Variants in ECEL1 observed in about 807,000 individuals in gnomAD.
ECEL1 encodes the protein endothelin converting enzyme like 1, also known as endothelin-converting enzyme-like 1.
ECEL1 carries 87 observed loss-of-function variants against 101.8 expected under a neutral mutation model. The observed-to-expected ratio is 0.85, with a 90% CI of 0.72 to 1.02. The LOEUF (loss-of-function observed/expected upper bound fraction) is 1.02, where lower values mean the gene tolerates loss of function less well. Ranked by LOEUF, ECEL1 falls within the 50% of genes least tolerant of loss-of-function variation. The pLI is 0.00. For missense variants in ECEL1, 1,032 were observed against 1,079.2 expected, an observed-to-expected ratio of 0.96 and a Z score of 0.61; for synonymous variants, 487 against 468.7, an observed-to-expected ratio of 1.04 and a Z score of -0.50.
In ECEL1 at chr2:232,482,322, C is replaced by T. The variant is rs867864057; in HGVS notation, c.1796+96G>A. The T allele has an allele frequency of 4.5e-5, 69 of 1,550,114 alleles. 1 individual carries two copies. The highest frequency in any genetic ancestry group is 3.4e-4 in the East Asian group (15 of 44,628). ...CTCCTGAACCCAGCTGGGTCTGGGG[C>T]GATTGGAGCCACAGTACGCCGACAC... is the stretch of plus-strand genomic sequence containing the variant. On this transcript the variant is annotated intron_variant, in intron 12 of 17. Coordinates refer to ENST00000304546, the MANE Select transcript of ECEL1 (RefSeq NM_004826.4).
rs567164957 is a variant in ECEL1 at position 232,481,369 on chromosome 2, G to A, written c.1989+137C>T. 27 of 1,443,466 alleles carry A rather than the reference G, an allele frequency of 1.9e-5. No homozygotes were observed. The Admixed American group carries it at 2.5e-4, about 13-fold the overall frequency. The allele number at this position is 1,443,466 out of a possible 1,614,324, so 89.4% of individuals were successfully genotyped here. ...TCATTATCTGTCCACGTGAGTGTGC[G>A]TGGGAACCGAATGTGTGTGCAGGGA... On this transcript the variant is annotated intron_variant, in intron 14 of 17. Coordinates refer to ENST00000304546, the MANE Select transcript of ECEL1 (RefSeq NM_004826.4).
rs777715446 is a variant in ECEL1, at chr2:232,480,832, T to C, written c.2056-19A>G. On this transcript the variant is annotated intron_variant, in intron 15 of 17. Coordinates refer to ENST00000304546, the MANE Select transcript of ECEL1 (RefSeq NM_004826.4). ...GATAGGCCTGGGGACACAGAGAGCA[T>C]GGACCTGCTATGCCCGCCCACCCTG... 1.5e-5 allele frequency: 24 copies of C among 1,607,224 alleles called. No homozygotes were observed. In the South Asian group the frequency reaches 2.7e-4, roughly 18 times the overall value.
rs1206819376 is a variant in ECEL1, at chr2:232,483,429, G to A, written c.1493C>T (p.Ala498Val). Residue 498 changes from alanine to valine, a missense_variant, in exon 8 of 18, where the codon GCT becomes GTT. Ala to Val is a moderately conservative substitution (Grantham distance 64). Coordinates refer to ENST00000304546, the MANE Select transcript of ECEL1 (RefSeq NM_004826.4). ...GTCCCCCCTCACCTTGGCCCGAGCA[G>A]CAGCCCTGGTCTCGGCGTCCATCCA... Reference protein sequence around the residue: ...LDWMDAETRAAARAKLQYMMV... With the variant: ...LDWMDAETRAVARAKLQYMMV... The A allele has an allele frequency of 6.2e-7, 1 of 1,609,240 alleles. No homozygotes were observed. Among genetic ancestry groups the A allele is most frequent in the Non-Finnish European group, 8.5e-7 (1 of 1,178,354 alleles).
intron 13 of ECEL1, 38 bp downstream of exon 13, chr2:232,481,744 C>T (rs1277205114): frequency 6.2e-7 from 1 of 1,613,042 alleles, no homozygotes; most frequent in East Asian, 2.2e-5. Flanking sequence ...CTGTCCTGCC[C>T]CCTCCGGGCC....
At chr2:232,484,692 T>C in intron 5 of ECEL1, 96 bp from the exon 6 acceptor site, 2 of 1,600,248 alleles carry the variant, frequency 1.2e-6, no homozygotes, top group Non-Finnish European at 1.7e-6. Flanking sequence ...GACATGAGAG[T>C]CCATGGCCAA....
At chr2:232,480,310 A>G (rs906039426) in intron 17 of ECEL1, 58 bp from the exon 18 acceptor site, 2 of 1,611,462 alleles carry the variant, frequency 1.2e-6, no homozygotes, top group Non-Finnish European at 8.5e-7. Context: ...AGCCCCAGCA[A>G]CCAGGGGTGA....
intron 3 of ECEL1, 21 bp downstream of exon 3, chr2:232,485,178 C>T: frequency 8.1e-6 from 13 of 1,613,382 alleles, no homozygotes; most frequent in Non-Finnish European, 1.1e-5. Flanking sequence ...TTCCCTGCCT[C>T]CCCATCCCAT....
chr2:232,481,358 C>A (rs530652768), intron 14 of ECEL1, 148 bp downstream of exon 14: 224 of 1,411,074 alleles, frequency 1.6e-4, no homozygotes, highest in Non-Finnish European at 2.1e-4. Context: ...TATCTGTCCA[C>A]GTGAGTGTGC....
At chr2:232,480,540 C>T in intron 16 of ECEL1, 65 bp from the exon 17 acceptor site, 4 of 1,593,732 alleles carry the variant, frequency 2.5e-6, no homozygotes, top group Admixed American at 1.7e-5. Flanking sequence ...CCCCCTTGCC[C>T]CCCACCCAGC....
intron 12 of ECEL1, 23 bp from the exon 13 acceptor site, chr2:232,481,872 A>C: frequency 6.2e-7 from 1 of 1,613,570 alleles, no homozygotes; most frequent in Non-Finnish European, 8.5e-7. Context: ...CAGCAGCATC[A>C]GGCCCTAGCC....
chr2:232,481,301 T>C, intron 14 of ECEL1, 145 bp from the exon 15 acceptor site: 1 of 1,337,954 alleles, frequency 7.5e-7, no homozygotes, highest in Non-Finnish European at 1.0e-6. Flanking sequence ...CCAACCCTAC[T>C]CTTTCCTCCC....
rs952592915 is a variant in ECEL1 at position 232,479,964 on chromosome 2, C to T, written c.*189G>A. ...CCCAGTATATTTCCCTCACAGCCCC[C>T]CAAAGTCCAGCCTCACCCTGCTCCA... On this transcript the variant is annotated 3_prime_UTR_variant, in exon 18 of 18. Coordinates refer to ENST00000304546, the MANE Select transcript of ECEL1 (RefSeq NM_004826.4). 5 of 615,910 alleles carry T rather than the reference C, an allele frequency of 8.1e-6. No homozygotes were observed. The African/African-American group carries it at 9.3e-5, about 11-fold the overall frequency. The allele number at this position is 615,910 out of a possible 1,614,324, so 38.2% of individuals were successfully genotyped here. A position where few individuals can be genotyped will look rare whatever the true frequency, so the allele number is the denominator to read the frequency against.
At chr2:232,481,404 A>G (rs1690574492) in intron 14 of ECEL1, 102 bp downstream of exon 14, 1 of 1,511,258 alleles carries the variant, frequency 6.6e-7, no homozygotes, top group Non-Finnish European at 8.9e-7. Context: ...ACCTGGGCAC[A>G]GGTTTTGTTT....
chr2:232,484,422 G>A, intron 6 of ECEL1, 50 bp downstream of exon 6: 1 of 1,606,878 alleles, frequency 6.2e-7, no homozygotes, highest in Non-Finnish European at 8.5e-7. Context: ...AGGGTGCAGG[G>A]GAAGGACCTA....
rs1374504168 is a variant in ECEL1, at chr2:232,485,875, A to G, written c.779T>C (p.Val260Ala). 6.4e-7 allele frequency: 1 copy of G among 1,554,494 alleles called. No individual in the cohort carries two copies. The highest frequency in any genetic ancestry group is 8.7e-7 in the Non-Finnish European group (1 of 1,153,518). Residue 260 changes from valine to alanine, a missense_variant, in exon 2 of 18, where the codon GTC (valine) becomes GCC (alanine). Transcript: ENST00000304546. The stretch of plus-strand genomic sequence containing the variant: ...CTCAGGGGGCGCACTCACGCGGATG[A>G]CGTAGCGCGAGGAGTTCCTGTCGTC... The part of the protein sequence containing the change: ...SLDDRNSSRY[V>A]IRIDQDGLTL...
At chr2:232,482,497 A>C (rs372966622) in intron 11 of ECEL1, 28 bp from the exon 12 acceptor site, 2 of 1,613,772 alleles carry the variant, frequency 1.2e-6, no homozygotes. Flanking sequence ...TCAGTGGGAA[A>C]CCCATCCACT....
chr2:232,481,089 A>T lies in ECEL1; in HGVS notation c.2055+2T>A. The stretch of plus-strand genomic sequence containing the variant: ...GGGGTGGAGCACAGGCAGGCCGCTC[A>T]CGTGGTAGGCCAGCTTGAGGCCGCC... On this transcript the variant is annotated splice_donor_variant, in intron 15 of 17. Coordinates refer to ENST00000304546, the MANE Select transcript of ECEL1 (RefSeq NM_004826.4). LOFTEE classifies it high-confidence loss of function. 3 of 1,558,292 alleles carry T rather than the reference A, an allele frequency of 1.9e-6. No individual in the cohort carries two copies. The highest frequency in any genetic ancestry group is 1.7e-6 in the Non-Finnish European group (2 of 1,151,174).
In ECEL1 at chr2:232,480,117, C is replaced by CG. The variant is rs1559271555; in HGVS notation, c.*35dup. The CG allele has an allele frequency of 5.0e-6, 8 of 1,601,830 alleles. No homozygotes were observed. The highest frequency in any genetic ancestry group is 6.8e-6 in the Non-Finnish European group (8 of 1,170,546). ...GGTAGCCAGCAGGAGGTGATTCGTGCGGGGGCAGTGGGGGCGTGCAGGCGG... is the reference window on the plus strand; with the variant it reads ...GGTAGCCAGCAGGAGGTGATTCGTGCGGGGGGCAGTGGGGGCGTGCAGGCGG... On this transcript the variant is annotated 3_prime_UTR_variant, in exon 18 of 18. Transcript: ENST00000304546.
In ECEL1 at chr2:232,484,229, G is replaced by T; in HGVS notation, c.1185-6C>A. 6.2e-7 allele frequency: 1 copy of T among 1,608,196 alleles called. No individual in the cohort carries two copies. The highest frequency in any genetic ancestry group is 8.5e-7 in the Non-Finnish European group (1 of 1,176,918). On this transcript the variant is annotated splice_polypyrimidine_tract_variant and splice_region_variant and intron_variant, in intron 6 of 17. Coordinates refer to ENST00000304546, the MANE Select transcript of ECEL1 (RefSeq NM_004826.4). ...CCAGGTAGTTGTGCAGGACCCTGGG[G>T]ACCAGGTGAAGCCAGTGGGTGTCCA...
Sources: gnomAD v4.1 joint callset for allele counts on GRCh38, gnomAD v4.1.1 for gene constraint, MANE v1.5 for transcripts, NCBI Gene and HGNC (gene_info 2026-07-23, HGNC 2026-07-21) for gene names.